Variants in KIF2A observed in about 807,000 individuals in gnomAD.
KIF2A encodes the protein kinesin family member 2A.
In KIF2A, 22 loss-of-function variants were observed where a neutral mutation model predicts 100.2. The ratio of observed to expected loss-of-function variants is 0.22; its 90% CI spans 0.16 to 0.31. KIF2A has a LOEUF of 0.31. KIF2A is among the 10% of genes least tolerant of loss of function. The pLI is 1.00. For missense variants in KIF2A, 495 were observed against 898.7 expected, an observed-to-expected ratio of 0.55 and a Z score of 5.74; for synonymous variants, 268 against 285.9, an observed-to-expected ratio of 0.94 and a Z score of 0.63.
intron 4 of KIF2A, among the ~76,000 whole-genome samples, chr5:62,350,484 G>A (rs969733075): frequency 2.6e-5 from 4 of 151,822 alleles, no homozygotes; most frequent in African/African-American, 9.7e-5. Flanking sequence ...CATGTTGCCT[G>A]GGCTGGTCTT....
intron 1 of KIF2A, among the ~76,000 whole-genome samples, chr5:62,312,927 A>C (rs1048120919): frequency 2.0e-5 from 3 of 152,192 alleles, no homozygotes; most frequent in African/African-American, 7.2e-5. Context: ...CGAAGTTCAG[A>C]TGGTCATTCA....
At chr5:62,337,418 G>A (rs1319583333) in intron 1 of KIF2A, among the ~76,000 whole-genome samples, 2 of 150,696 alleles carry the variant, frequency 1.3e-5, no homozygotes, top group Non-Finnish European at 3.0e-5. Flanking sequence ...CTTGAACCTG[G>A]GAGGCAGAGG....
chr5:62,376,473 G>A (rs1291607550), intron 18 of KIF2A, among the ~76,000 whole-genome samples: 1 of 152,040 alleles, frequency 6.6e-6, no homozygotes, highest in Non-Finnish European at 1.5e-5. Context: ...AGGCTGGAGT[G>A]CAATGGCACG....
Position 62,355,168 on chromosome 5 carries a change from G to A in KIF2A, c.568G>A (p.Ala190Thr). 1.3e-6 allele frequency: 2 copies of A among 1,543,256 alleles called. No individual in the cohort carries two copies. Among genetic ancestry groups the A allele is most frequent in the South Asian group, 1.1e-5 (1 of 87,804 alleles). Residue 190 changes from alanine (A) to threonine (T), a missense_variant, in exon 7 of 21, where the codon GCT becomes ACT. Coordinates refer to ENST00000407818, the MANE Select transcript of KIF2A (RefSeq NM_001098511.3). ...LREKRAQDVD[A>T]TNPNYEIMCM... is the part of the protein sequence containing the mutation. Reference sequence around the variant, plus strand: ...CTCTGTCTTCTAATAGGACGTTGATGCTACAAACCCAAATTATGAAATTAT... The same window carrying A: ...CTCTGTCTTCTAATAGGACGTTGATACTACAAACCCAAATTATGAAATTAT...
intron 9 of KIF2A, among the ~76,000 whole-genome samples, chr5:62,360,464 C>T (rs1033345433): frequency 3.9e-5 from 6 of 152,242 alleles, no homozygotes; most frequent in African/African-American, 7.2e-5. Flanking sequence ...GCGGGCAGAT[C>T]GCCTGTGGTC....
chr5:62,352,560 AT>A lies in KIF2A; in HGVS notation c.335-25del. 5 of 1,497,224 alleles carry A rather than the reference AT, an allele frequency of 3.3e-6. No homozygotes were observed. In the African/African-American group the frequency reaches 4.3e-5, roughly 13 times the overall value. 92.7% of individuals were successfully genotyped at this position (1,497,224 alleles called of 1,614,324 possible). ...AGCTTTTACTAATTTTCTATCCTGA[AT>A]TTAAAATTTTTTTTTTTTACTTACA... is the stretch of plus-strand genomic sequence containing the variant. On this transcript the variant is annotated intron_variant, in intron 4 of 20. Coordinates refer to ENST00000407818, the MANE Select transcript of KIF2A (RefSeq NM_001098511.3).
intron 2 of KIF2A, 127 bp from the exon 3 acceptor site, chr5:62,347,921 G>T (rs1201828206): frequency 1.1e-5 from 11 of 990,060 alleles, no homozygotes; most frequent in Non-Finnish European, 1.6e-5. Flanking sequence ...ACTGCACCCA[G>T]CCGAGTTACT....
At chr5:62,369,681 T>G (rs1741233230) in intron 16 of KIF2A, among the ~76,000 whole-genome samples, 2 of 151,806 alleles carry the variant, frequency 1.3e-5, no homozygotes, top group Admixed American at 1.3e-4. Context: ...AGTAATTTTT[T>G]TTTTTAACAG....
chr5:62,361,051 AT>A, intron 9 of KIF2A, among the ~76,000 whole-genome samples, 190 bp from the exon 10 acceptor site: 1 of 152,192 alleles, frequency 6.6e-6, no homozygotes, highest in Non-Finnish European at 1.5e-5. Context: ...AGTTTAAGTA[AT>A]TTTAGCATAT....
chr5:62,343,781 T>C (rs1747416048), intron 1 of KIF2A, among the ~76,000 whole-genome samples: 1 of 152,150 alleles, frequency 6.6e-6, no homozygotes, highest in South Asian at 2.1e-4. Flanking sequence ...AATTGGCTCA[T>C]TATCTGGGGG....
intron 18 of KIF2A, among the ~76,000 whole-genome samples, chr5:62,374,667 G>A (rs763894127): frequency 3.3e-5 from 5 of 152,018 alleles, no homozygotes; most frequent in South Asian, 2.1e-4. Context: ...CAAGCCAGGC[G>A]CGGTGTCTCA....
At position 62,386,692 on chromosome 5, in the gene KIF2A, C is replaced by G. The variant is rs1742042844; in HGVS notation, c.*1123C>G. On this transcript the variant is annotated 3_prime_UTR_variant, in exon 21 of 21. Coordinates refer to ENST00000407818, the MANE Select transcript of KIF2A (RefSeq NM_001098511.3). ...CTTTGCCTTAAAAGGCAGATCTAAC[C>G]CAAGCTCCATCCAGTACCAAATGTG... is the stretch of plus-strand genomic sequence containing the variant. Among the ~76,000 whole-genome samples, 1 of 152,114 alleles carries G rather than the reference C, an allele frequency of 6.6e-6. No homozygotes were observed. Among genetic ancestry groups the G allele is most frequent in the African/African-American group, 2.4e-5 (1 of 41,426 alleles).
intron 16 of KIF2A, among the ~76,000 whole-genome samples, chr5:62,366,800 C>T (rs1034235850): frequency 6.7e-6 from 1 of 149,148 alleles, no homozygotes; most frequent in African/African-American, 2.5e-5. Context: ...CACTGCACTC[C>T]AGCCTGGGCA....
chr5:62,342,075 C>A (rs1747321871), intron 1 of KIF2A, among the ~76,000 whole-genome samples: 1 of 152,184 alleles, frequency 6.6e-6, no homozygotes, highest in Non-Finnish European at 1.5e-5. Flanking sequence ...GCTGATAAAA[C>A]CATATCAGTG....
intron 4 of KIF2A, among the ~76,000 whole-genome samples, chr5:62,352,353 T>C (rs757433825): frequency 7.9e-5 from 12 of 152,076 alleles, no homozygotes; most frequent in East Asian, 5.8e-4. Flanking sequence ...TAAAATTACA[T>C]TGGTGAAAGC....
intron 20 of KIF2A, among the ~76,000 whole-genome samples, chr5:62,383,065 T>C (rs1016001900): frequency 6.6e-6 from 1 of 151,238 alleles, no homozygotes; most frequent in Non-Finnish European, 1.5e-5. Context: ...TAGCTGGGAT[T>C]ACAGGCGTGT....
chr5:62,380,848 A>T (rs1580104205), intron 19 of KIF2A, among the ~76,000 whole-genome samples: 1 of 152,040 alleles, frequency 6.6e-6, no homozygotes, highest in Admixed American at 6.6e-5. Context: ...GAAGTGGAGG[A>T]GGTGGAAGGG....
chr5:62,306,396 C>T lies in KIF2A; in HGVS notation c.-77C>T, dbSNP rs1255184501. 1.1e-6 allele frequency: 1 copy of T among 923,260 alleles called. No homozygotes were observed. The highest frequency in any genetic ancestry group is 2.9e-5 in the East Asian group (1 of 34,274). 57.2% of individuals were successfully genotyped at this position (923,260 alleles called of 1,614,324 possible). A position where few individuals can be genotyped will look rare whatever the true frequency, so the allele number is the denominator to read the frequency against. ...CGGGCAACCGCTCCCCCTCCCACACCTACCCCGCCCCCTCCCCGCCTTTTC... is the reference window on the plus strand; with the variant it reads ...CGGGCAACCGCTCCCCCTCCCACACTTACCCCGCCCCCTCCCCGCCTTTTC... On this transcript the variant is annotated 5_prime_UTR_variant, in exon 1 of 21. Transcript: ENST00000407818.
chr5:62,369,675 A>ATT (rs34109812), intron 16 of KIF2A, among the ~76,000 whole-genome samples: 65,537 of 150,096 alleles, frequency 0.44, 14,324 homozygotes, highest in East Asian at 0.62. Flanking sequence ...AGAGTCAGTA[A>ATT]TTTTTTTTTT....
Sources: gnomAD v4.1 joint callset for allele counts (sites outside exome capture counted in the v4.1 genomes callset) on GRCh38, gnomAD v4.1.1 for gene constraint, MANE v1.5 for transcripts, NCBI Gene and HGNC (gene_info 2026-07-23, HGNC 2026-07-21) for gene names.